EFHC2: variants seen among roughly 807,000 people sequenced by gnomAD.
EFHC2 encodes EF-hand domain-containing family member C2.
In EFHC2, 18 loss-of-function variants were observed where a neutral mutation model predicts 52.7. The observed-to-expected ratio is 0.34, with a 90% CI of 0.24 to 0.51. EFHC2 has a LOEUF of 0.51. EFHC2 is among the 20% of genes least tolerant of loss of function. The probability of loss-of-function intolerance (pLI) is 0.97; values close to 1 mark genes in which losing one functional copy is unlikely to be tolerated. For missense variants in EFHC2, 513 were observed against 562.5 expected, an observed-to-expected ratio of 0.91 and a Z score of 0.89; for synonymous variants, 203 against 204.1, an observed-to-expected ratio of 0.99 and a Z score of 0.04.
At chrX:44,220,827 C>T (rs2037188242) in intron 11 of EFHC2, among the ~76,000 whole-genome samples, 1 of 111,620 alleles carries the variant, frequency 9.0e-6, no homozygotes, top group African/African-American at 3.3e-5. Flanking sequence ...TCCACCTGTC[C>T]AAATTTTTTT....
At chrX:44,233,230 T>C (rs1245563190) in intron 9 of EFHC2, among the ~76,000 whole-genome samples, 1 of 111,629 alleles carries the variant, frequency 9.0e-6, no homozygotes, top group Non-Finnish European at 1.9e-5. Context: ...CACCTATTTG[T>C]CCCAGATGAT....
At chrX:44,339,191 C>CAAAAAAAAAAAAA (rs58180100) in intron 1 of EFHC2, among the ~76,000 whole-genome samples, 1 of 90,371 alleles carries the variant, frequency 1.1e-5, no homozygotes, top group African/African-American at 4.4e-5. Context: ...ACTCCATCTC[C>CAAAAAAAAAAAAA]AAAAAAAAAA....
chrX:44,276,099 G>T (rs2037655764), intron 2 of EFHC2, among the ~76,000 whole-genome samples: 1 of 110,552 alleles, frequency 9.0e-6, no homozygotes, highest in African/African-American at 3.3e-5. Flanking sequence ...CAAGGCATTT[G>T]GAATTTTAAT....
intron 11 of EFHC2, among the ~76,000 whole-genome samples, chrX:44,225,508 G>A (rs2037226243): frequency 9.0e-6 from 1 of 111,364 alleles, no homozygotes; most frequent in African/African-American, 3.3e-5. Flanking sequence ...TCTGGGCCCC[G>A]AAGCCCCAGG....
Position 44,176,339 on chromosome X carries a change from G to A in EFHC2, c.1995C>T (p.Ser665=). ...GATCATCACTCAAAGGTAATCTGGAGGATTTGCACAGCCTTTTAATGTCTT... is the reference window on the plus strand; with the variant it reads ...GATCATCACTCAAAGGTAATCTGGAAGATTTGCACAGCCTTTTAATGTCTT... ...PTKDIKRLCK[S]SRLPLSDDLL... Residue 665 remains serine (S), a synonymous_variant, in exon 13 of 15, where the codon TCC becomes TCT. Coordinates refer to ENST00000420999, the MANE Select transcript of EFHC2 (RefSeq NM_025184.4). The A allele has an allele frequency of 8.3e-7, 1 of 1,198,794 alleles. No individual in the cohort carries two copies. The highest frequency in any genetic ancestry group is 3.0e-5 in the East Asian group (1 of 33,545).
chrX:44,297,214 C>T (rs1296528601), intron 2 of EFHC2, among the ~76,000 whole-genome samples: 1 of 111,458 alleles, frequency 9.0e-6, no homozygotes, highest in East Asian at 2.8e-4. Context: ...GATGGTAAAT[C>T]CAGGTTCTAA....
chrX:44,202,624 G>A (rs2037015562), intron 11 of EFHC2, among the ~76,000 whole-genome samples: 1 of 111,395 alleles, frequency 9.0e-6, no homozygotes, highest in Non-Finnish European at 1.9e-5. Context: ...GTGCAGCCAT[G>A]CCACACAACT....
intron 14 of EFHC2, among the ~76,000 whole-genome samples, chrX:44,151,886 G>A (rs2036573217): frequency 9.0e-6 from 1 of 111,585 alleles, no homozygotes; most frequent in African/African-American, 3.3e-5. Flanking sequence ...GAAGATTCTG[G>A]TAAACATCTG....
chrX:44,272,780 G>A lies in EFHC2; in HGVS notation c.288C>T (p.Asn96=). 1 of 1,167,127 alleles carries A rather than the reference G, an allele frequency of 8.6e-7. No individual in the cohort carries two copies. Among genetic ancestry groups the A allele is most frequent in the Non-Finnish European group, 1.1e-6 (1 of 871,348 alleles). ...AGATTTTATAGTATCTTATTCTGTAGTTGGTTTGGCTTTTATCAAGTACTT... is the reference window on the plus strand; with the variant it reads ...AGATTTTATAGTATCTTATTCTGTAATTGGTTTGGCTTTTATCAAGTACTT... The part of the protein sequence containing the change: ...EEEVLDKSQT[N]YRIRYYKIYF... The change falls in exon 3 of 15, where the codon AAC becomes AAT. Residue 96 remains asparagine, a synonymous_variant. Transcript: ENST00000420999.
At chrX:44,303,851 GA>G (rs1222659134) in intron 2 of EFHC2, among the ~76,000 whole-genome samples, 14 of 108,592 alleles carry the variant, frequency 1.3e-4, no homozygotes, top group African/African-American at 4.0e-4. Flanking sequence ...ACAATAGATG[GA>G]AAAAAAAAGA....
At chrX:44,295,367 G>T (rs2037819776) in intron 2 of EFHC2, among the ~76,000 whole-genome samples, 2 of 111,747 alleles carry the variant, frequency 1.8e-5, no homozygotes, top group Admixed American at 1.9e-4. Flanking sequence ...CTGCAAAGGG[G>T]AACAGCATGT....
intron 11 of EFHC2, among the ~76,000 whole-genome samples, chrX:44,188,976 C>T (rs1299152963): frequency 1.8e-5 from 2 of 108,846 alleles, no homozygotes; most frequent in African/African-American, 6.7e-5. Flanking sequence ...AAAAATTAGC[C>T]GGGCATGATG....
rs543440361 is a variant in EFHC2, at chrX:44,158,989, C to T, written c.2148+4933G>A. ...AACATGTCTTGGCTACAAAGAGCCA[C>T]GCTGCACAAAGTCATATCTCTTCTT... On this transcript the variant is annotated intron_variant, in intron 14 of 14. Transcript: ENST00000420999. Among the ~76,000 whole-genome samples the T allele has an allele frequency of 3.6e-4, 40 of 112,418 alleles. No individual in the cohort carries two copies. In the South Asian group the frequency reaches 0.013, roughly 36 times the overall value.
chrX:44,247,691 C>T (rs770627447), intron 7 of EFHC2, among the ~76,000 whole-genome samples: 5 of 111,791 alleles, frequency 4.5e-5, no homozygotes, highest in South Asian at 3.8e-4. Context: ...AAACCTCTTA[C>T]ACAACTCTAT....
intron 1 of EFHC2, among the ~76,000 whole-genome samples, chrX:44,316,881 ACTT>A (rs754080131): frequency 1.2e-4 from 14 of 112,112 alleles, no homozygotes; most frequent in Non-Finnish European, 2.6e-4. Flanking sequence ...TACTTTTACT[ACTT>A]AAGACCGTCA....
chrX:44,343,652 C>G lies in EFHC2; in HGVS notation c.-64G>C, dbSNP rs777613654. The G allele has an allele frequency of 3.6e-6, 4 of 1,115,351 alleles. No homozygotes were observed. Among genetic ancestry groups the G allele is most frequent in the Middle Eastern group, 2.5e-4 (1 of 4,075 alleles). The allele number at this position is 1,115,351 out of a possible 1,213,427, so 91.9% of individuals were successfully genotyped here. ...GGGCCCGGCAGGCAGCGGCGCCTCC[C>G]GGCCGTGTTGTTTGGCCCCCACGTT... On this transcript the variant is annotated 5_prime_UTR_variant, in exon 1 of 15. Coordinates refer to ENST00000420999, the MANE Select transcript of EFHC2 (RefSeq NM_025184.4).
intron 1 of EFHC2, among the ~76,000 whole-genome samples, chrX:44,327,841 C>T (rs1235222185): frequency 1.8e-5 from 2 of 112,006 alleles, no homozygotes; most frequent in Non-Finnish European, 1.9e-5. Context: ...AAGCTAATTT[C>T]CTCTCTTTCT....
chrX:44,282,015 A>G (rs997787048), intron 2 of EFHC2, among the ~76,000 whole-genome samples: 3 of 111,187 alleles, frequency 2.7e-5, no homozygotes, highest in Admixed American at 9.6e-5. Flanking sequence ...TGAGGAACCA[A>G]TTTAAAATTC....
chrX:44,316,595 G>A (rs1351811959), intron 1 of EFHC2, among the ~76,000 whole-genome samples: 1 of 103,695 alleles, frequency 9.6e-6, no homozygotes, highest in Non-Finnish European at 2.0e-5. Context: ...GCTCAAGCCT[G>A]TATCCCAGCA....
Sources: allele counts gnomAD v4.1 joint callset (sites outside exome capture counted in the v4.1 genomes callset), GRCh38; gene constraint gnomAD v4.1.1; transcripts MANE v1.5; gene names NCBI Gene and HGNC (gene_info 2026-07-23, HGNC 2026-07-21).